The following MIA3 variants were observed in gnomAD, a reference collection of about 807,000 sequenced individuals.
The protein encoded by MIA3 is MIA SH3 domain ER export factor 3, also known as transport and Golgi organization protein 1 homolog.
A neutral mutation model predicts 192.4 loss-of-function variants in MIA3; 90 were observed. The observed-to-expected ratio is 0.47, with a 90% CI of 0.39 to 0.56. MIA3 has a LOEUF of 0.56. MIA3 is among the 20% of genes least tolerant of loss of function. The pLI is 0.00. For synonymous variants in MIA3, 740 were observed against 792.8 expected, an observed-to-expected ratio of 0.93 and a Z score of 1.12; for missense variants, 2,123 against 2,269.4, an observed-to-expected ratio of 0.94 and a Z score of 1.31.
chr1:222,629,803 T>C lies in MIA3; in HGVS notation c.2583T>C (p.His861=), dbSNP rs779411400. The change falls in exon 4 of 28, where the codon CAT becomes CAC. Residue 861 remains histidine (H), a synonymous_variant. Coordinates refer to ENST00000344922, the MANE Select transcript of MIA3 (RefSeq NM_198551.4). The part of the protein sequence containing the change: ...DYLKNDNPEE[H]LKTSGLAGEP... ...TGAAGAACGACAACCCTGAGGAACA[T>C]CTGAAGACCTCAGGGCTTGCAGGGG... 1.2e-5 allele frequency: 20 copies of C among 1,614,032 alleles called. No homozygotes were observed. In the East Asian group the frequency reaches 1.6e-4, roughly 13 times the overall value.
At chr1:222,630,472 T>G in intron 4 of MIA3, 83 bp downstream of exon 4, 2 of 1,408,178 alleles carry the variant, frequency 1.4e-6, no homozygotes, top group Non-Finnish European at 1.9e-6. Context: ...TGTGAAGCTC[T>G]GTTCAGTTTC....
chr1:222,659,848 G>C, intron 22 of MIA3, 47 bp downstream of exon 22: 1 of 1,606,856 alleles, frequency 6.2e-7, no homozygotes, highest in South Asian at 1.1e-5. Flanking sequence ...TTCTCTTAAG[G>C]AATTGGTTTC....
chr1:222,630,701 A>G (rs1662359455), intron 4 of MIA3, among the ~76,000 whole-genome samples: 1 of 152,254 alleles, frequency 6.6e-6, no homozygotes, highest in South Asian at 2.1e-4. Flanking sequence ...AAATTATGAA[A>G]GGGTTTTATT....
At position 222,666,912 on chromosome 1, in the gene MIA3, TC is replaced by T. The variant is rs1432615908; in HGVS notation, c.*1295del. 2.6e-5 allele frequency: 4 copies of T among 152,112 alleles called. No individual in the cohort carries two copies. The highest frequency in any genetic ancestry group is 2.6e-4 in the Admixed American group (4 of 15,270). The allele number at this position is 152,112 out of a possible 1,614,324, so 9.4% of individuals were successfully genotyped here. On this transcript the variant is annotated 3_prime_UTR_variant, in exon 28 of 28. Transcript: ENST00000344922. Reference sequence around the variant, plus strand: ...ATTTTAATTACAGTAATAATAGCACTCCTTTTAAGGAGTTTCAGATCCACAC... The same window carrying T: ...ATTTTAATTACAGTAATAATAGCACTCTTTTAAGGAGTTTCAGATCCACAC...
In MIA3 at chr1:222,628,947, C is replaced by A. The variant is rs758811247; in HGVS notation, c.1727C>A (p.Ser576Tyr). 6.2e-7 allele frequency: 1 copy of A among 1,614,140 alleles called. No individual in the cohort carries two copies. Among genetic ancestry groups the A allele is most frequent in the Non-Finnish European group, 8.5e-7 (1 of 1,180,010 alleles). Residue 576 changes from serine to tyrosine, a missense_variant, in exon 4 of 28, where the codon TCC becomes TAC. Coordinates refer to ENST00000344922, the MANE Select transcript of MIA3 (RefSeq NM_198551.4). ...AATGACAGAAAGATTCAACAGGAAT[C>A]CCTGGGTAGTGCACCACTCATGGGA... ...QMNDRKIQQE[S>Y]LGSAPLMGDD... is the part of the protein sequence containing the mutation.
chr1:222,625,249 C>T (rs1179757996), intron 3 of MIA3, among the ~76,000 whole-genome samples: 2 of 152,234 alleles, frequency 1.3e-5, no homozygotes, highest in Non-Finnish European at 2.9e-5. Flanking sequence ...TCATGATCCG[C>T]CCGCCTCAGC....
chr1:222,656,586 C>A (rs1317798352), intron 18 of MIA3, among the ~76,000 whole-genome samples: 4 of 152,206 alleles, frequency 2.6e-5, no homozygotes, highest in Non-Finnish European at 4.4e-5. Context: ...CACCCTTCCA[C>A]CCTACCCTCC....
rs1451992808 is a variant in MIA3, at chr1:222,654,705, G to A, written c.4519G>A (p.Ala1507Thr). ...DDRNSLQAAKAGLEDECKTLR... is the reference protein window; with the variant it reads ...DDRNSLQAAKTGLEDECKTLR... ...CCGCAACTCACTACAAGCTGCCAAA[G>A]CTGGACTGGAAGATGAATGCAAAAC... The change falls in exon 18 of 28, where the codon GCT (alanine) becomes ACT (threonine). Residue 1507 changes from alanine to threonine, a missense_variant. Coordinates refer to ENST00000344922, the MANE Select transcript of MIA3 (RefSeq NM_198551.4). The A allele has an allele frequency of 6.2e-7, 1 of 1,614,050 alleles. No individual in the cohort carries two copies. Among genetic ancestry groups the A allele is most frequent in the Admixed American group, 1.7e-5 (1 of 60,014 alleles).
At position 222,667,037 on chromosome 1, in the gene MIA3, G is replaced by A. The variant is rs1317000005; in HGVS notation, c.*1418G>A. 6.6e-6 allele frequency: 1 copy of A among 152,114 alleles called. No individual in the cohort carries two copies. The highest frequency in any genetic ancestry group is 1.5e-5 in the Non-Finnish European group (1 of 68,008). The allele number at this position is 152,114 out of a possible 1,614,324, so 9.4% of individuals were successfully genotyped here. ...TGATGTAATATTTTTGAAACCTAGTGTATGTCTTGTCACTGTTGTGATATT... is the reference window on the plus strand; with the variant it reads ...TGATGTAATATTTTTGAAACCTAGTATATGTCTTGTCACTGTTGTGATATT... On this transcript the variant is annotated 3_prime_UTR_variant, in exon 28 of 28. Coordinates refer to ENST00000344922, the MANE Select transcript of MIA3 (RefSeq NM_198551.4).
Position 222,629,378 on chromosome 1 carries a change from G to A in MIA3, c.2158G>A (p.Val720Ile), listed in dbSNP as rs781013878. The change falls in exon 4 of 28, where the codon GTA (valine) becomes ATA (isoleucine). Residue 720 changes from valine to isoleucine, a missense_variant. Around this residue, in one of 3 missense-constraint regions of MIA3, gnomAD observed 1,357 missense variants for 1,396.1 expected, o/e 0.97. Transcript: ENST00000344922. Reference protein sequence around the residue: ...STGGPAFLSKVEEDDYPSEEL... With the variant: ...STGGPAFLSKIEEDDYPSEEL... ...AGGAGGACCAGCTTTCCTTTCTAAA[G>A]TAGAAGAGGATGATTATCCCTCTGA... 1.2e-6 allele frequency: 2 copies of A among 1,614,070 alleles called. No individual in the cohort carries two copies. The highest frequency in any genetic ancestry group is 2.2e-5 in the South Asian group (2 of 91,090).
At chr1:222,654,515 G>A (rs1437800819) in intron 17 of MIA3, 36 bp downstream of exon 17, 7 of 1,571,116 alleles carry the variant, frequency 4.5e-6, no homozygotes, top group Non-Finnish European at 6.1e-6. Flanking sequence ...GCTATATATT[G>A]GAAAGATACA....
intron 6 of MIA3, among the ~76,000 whole-genome samples, chr1:222,633,583 A>G (rs1662500460): frequency 1.3e-5 from 2 of 152,220 alleles, no homozygotes; most frequent in African/African-American, 4.8e-5. Flanking sequence ...ACCTGATGGT[A>G]GAACAATCTG....
chr1:222,653,596 C>T (rs1663555984), intron 15 of MIA3, among the ~76,000 whole-genome samples: 1 of 152,164 alleles, frequency 6.6e-6, no homozygotes, highest in African/African-American at 2.4e-5. Context: ...ATGTCTTACA[C>T]CTCTAAGTAT....
intron 11 of MIA3, among the ~76,000 whole-genome samples, chr1:222,651,457 G>A (rs544358088): frequency 6.6e-6 from 1 of 151,582 alleles, no homozygotes; most frequent in Non-Finnish European, 1.5e-5. Flanking sequence ...AAAAGTGAAG[G>A]GTTATGCTCC....
intron 6 of MIA3, among the ~76,000 whole-genome samples, chr1:222,640,541 A>C (rs1478323181): frequency 1.3e-5 from 2 of 152,188 alleles, no homozygotes; most frequent in Non-Finnish European, 2.9e-5. Flanking sequence ...AACAAATGGT[A>C]CCAAAACTAT....
In MIA3 at chr1:222,645,583, G is replaced by T. The variant is rs201684121; in HGVS notation, c.3507G>T (p.Gln1169His). 8.2e-5 allele frequency: 133 copies of T among 1,612,806 alleles called. No homozygotes were observed. The African/African-American group carries it at 1.2e-3, about 15-fold the overall frequency. ...TTGCTACATTGCCTGATGATGTTCA[G>T]CCTGGGCCTGATTTTTATGGACTGC... ...SLVATLPDDV[Q>H]PGPDFYGLPW... Residue 1169 changes from glutamine (Q) to histidine (H), a missense_variant, in exon 7 of 28, where the codon CAG (glutamine) becomes CAT (histidine). Transcript: ENST00000344922.
In MIA3 at chr1:222,628,703, G is replaced by A. The variant is rs1460691376; in HGVS notation, c.1483G>A (p.Val495Met). 1.2e-6 allele frequency: 2 copies of A among 1,614,056 alleles called. No homozygotes were observed. The highest frequency in any genetic ancestry group is 1.7e-6 in the Non-Finnish European group (2 of 1,180,046). Residue 495 changes from valine to methionine, a missense_variant, in exon 4 of 28, where the codon GTG (valine) becomes ATG (methionine). Val to Met is a conservative substitution (Grantham distance 21, BLOSUM62 1). This residue lies in a region of MIA3 where 1,357 missense variants were observed against 1,396.1 expected (regional missense o/e 0.97). Transcript: ENST00000344922. ...GGATGAAAATCAAGAAGGCATGACT[G>A]TGCACAGTTCTGTTCACAGCAATAA... is the stretch of plus-strand genomic sequence containing the variant. Reference protein sequence around the residue: ...LEDENQEGMTVHSSVHSNNLN... With the variant: ...LEDENQEGMTMHSSVHSNNLN...
At chr1:222,627,324 C>A (rs1431695000) in intron 3 of MIA3, among the ~76,000 whole-genome samples, 1 of 152,112 alleles carries the variant, frequency 6.6e-6, no homozygotes, top group Non-Finnish European at 1.5e-5. Flanking sequence ...AGCAAACTCA[C>A]CAGCCACATG....
Position 222,662,114 on chromosome 1 carries a change from C to G in MIA3, c.5172C>G (p.Pro1724=). 49 of 1,614,032 alleles carry G rather than the reference C, an allele frequency of 3.0e-5. No individual in the cohort carries two copies. The highest frequency in any genetic ancestry group is 4.2e-5 in the Non-Finnish European group (49 of 1,179,910). The part of the protein sequence containing the change: ...PRWSAEASGK[P]SPSDPGSGTA... ...GGTCAGCTGAGGCATCTGGGAAACC[C>G]TCTCCTTCTGGTAAGGGAGCAAGAG... The change falls in exon 25 of 28, where the codon CCC becomes CCG. Residue 1724 remains proline (P), a synonymous_variant. Coordinates refer to ENST00000344922, the MANE Select transcript of MIA3 (RefSeq NM_198551.4).
Sources: allele counts gnomAD v4.1 joint callset (sites outside exome capture counted in the v4.1 genomes callset), GRCh38; gene constraint gnomAD v4.1.1; regional missense constraint gnomAD v4.1.1; transcripts MANE v1.5; gene names NCBI Gene and HGNC (gene_info 2026-07-23, HGNC 2026-07-21).